The following CTBP2 variants were observed in gnomAD, a reference collection of about 807,000 sequenced individuals.
The protein encoded by CTBP2 is C-terminal binding protein 2.
Under a neutral mutation model 80.3 loss-of-function variants are expected in CTBP2, and 30 were observed. The observed-to-expected ratio is 0.37, with a 90% CI of 0.28 to 0.51. The LOEUF is 0.51. CTBP2 is among the 20% of genes least tolerant of loss of function. CTBP2 has a pLI of 0.93. For missense variants in CTBP2, 1,212 were observed against 1,375.3 expected (o/e 0.88, Z 1.88); for synonymous variants, 594 against 587.4 (o/e 1.01, Z -0.16).
intron 1 of CTBP2, among the ~76,000 whole-genome samples, chr10:125,158,938 C>A (rs1861434917): frequency 6.6e-6 from 1 of 151,928 alleles, no homozygotes; most frequent in Non-Finnish European, 1.5e-5. Context: ...CGGCGCGGCC[C>A]GCGGTGACCG....
intron 2 of CTBP2, among the ~76,000 whole-genome samples, chr10:125,079,412 G>A (rs1846840398): frequency 6.6e-6 from 1 of 152,148 alleles, no homozygotes; most frequent in South Asian, 2.1e-4. Flanking sequence ...TGCCCGGTTG[G>A]ATCTCCTTCC....
At chr10:125,049,004 C>G (rs1019474659) in intron 2 of CTBP2, among the ~76,000 whole-genome samples, 1 of 150,624 alleles carries the variant, frequency 6.6e-6, no homozygotes, top group South Asian at 2.1e-4. Context: ...CCAGAATGCA[C>G]ATTAATGTGC....
At chr10:125,001,482 C>T (rs1347515982) in intron 3 of CTBP2, 2 of 152,178 alleles carry the variant, frequency 1.3e-5, no homozygotes, top group East Asian at 1.9e-4. Context: ...TTAAACACGC[C>T]TTTGAAGACT....
At chr10:124,992,649 G>A (rs750131607) in intron 8 of CTBP2, 46 bp downstream of exon 10, 4 of 1,442,818 alleles carry the variant, frequency 2.8e-6, no homozygotes, top group Middle Eastern at 4.9e-4. Flanking sequence ...CTGGCCCCGG[G>A]GCCGTGGTGC....
intron 2 of CTBP2, among the ~76,000 whole-genome samples, chr10:125,107,560 T>C (rs1163098671): frequency 6.6e-6 from 1 of 152,220 alleles, no homozygotes; most frequent in Non-Finnish European, 1.5e-5. Flanking sequence ...AAGATATCTG[T>C]CCTGCCAGAA....
At chr10:124,998,423 C>T in intron 3 of CTBP2, 1 of 529,710 alleles carries the variant, frequency 1.9e-6, no homozygotes, top group Non-Finnish European at 3.4e-6. Context: ...CATGACCAAC[C>T]CAACTCCTAT....
In CTBP2 at chr10:125,026,512, C is replaced by T. The variant is rs1957579996; in HGVS notation, c.1248G>A (p.Glu416=). Residue 416 remains glutamate (E), a synonymous_variant, in exon 1 of 9, where the codon GAG becomes GAA. Transcript: ENST00000309035. ...CAGGGGCAGAATAGGTGGCTGCCGT[C>T]TCCAGGAGGTGCTGAGATGGTGCGC... 11 of 1,598,278 alleles carry T rather than the reference C, an allele frequency of 6.9e-6. No individual in the cohort carries two copies. The highest frequency in any genetic ancestry group is 1.7e-5 in the Admixed American group (1 of 57,566).
intron 1 of CTBP2, among the ~76,000 whole-genome samples, chr10:125,125,235 A>G (rs1201683168): frequency 6.6e-6 from 1 of 152,232 alleles, no homozygotes; most frequent in East Asian, 1.9e-4. Flanking sequence ...AAAAACCTCC[A>G]AACTCATTCT....
At chr10:125,052,074 C>A (rs1230959373) in intron 2 of CTBP2, among the ~76,000 whole-genome samples, 1 of 152,182 alleles carries the variant, frequency 6.6e-6, no homozygotes, top group African/African-American at 2.4e-5. Context: ...TTCAGCAACC[C>A]GAGCACGCCA....
chr10:125,056,347 G>C (rs1279360706), intron 2 of CTBP2, among the ~76,000 whole-genome samples: 1 of 152,232 alleles, frequency 6.6e-6, no homozygotes, highest in Admixed American at 6.5e-5. Flanking sequence ...GGTTTGCACA[G>C]TGAAGGCGTG....
intron 2 of CTBP2, 107 bp downstream of exon 4, chr10:125,003,231 C>T (rs1954776358): frequency 1.9e-6 from 3 of 1,583,984 alleles, no homozygotes; most frequent in South Asian, 2.3e-5. Context: ...AAGCAGGGAA[C>T]AGGGGTTCTG....
chr10:125,162,224 C>T (rs1057234), upstream of CTBP2, among the ~76,000 whole-genome samples: 1 of 152,028 alleles, frequency 6.6e-6, no homozygotes, highest in South Asian at 2.1e-4. Context: ...TCTGAGGTCC[C>T]GCCTTTGGAG....
chr10:125,084,911 C>A (rs544633178), intron 2 of CTBP2, among the ~76,000 whole-genome samples: 1 of 152,196 alleles, frequency 6.6e-6, no homozygotes, highest in Non-Finnish European at 1.5e-5. Flanking sequence ...CCATGAGTTC[C>A]GCCGTCGCCA....
At chr10:125,110,662 G>A (rs1427447755) in intron 2 of CTBP2, among the ~76,000 whole-genome samples, 1 of 152,008 alleles carries the variant, frequency 6.6e-6, no homozygotes, top group Non-Finnish European at 1.5e-5. Context: ...TTAATACATC[G>A]AGAAATCCTA....
chr10:124,993,430 C>T, intron 6 of CTBP2, 101 bp from the exon 9 acceptor site: 2 of 1,271,958 alleles, frequency 1.6e-6, no homozygotes, highest in Non-Finnish European at 2.2e-6. Context: ...AAAGTAGCTA[C>T]ATAGATAGCA....
rs1341102395 is a variant in CTBP2, at chr10:125,026,781, C to T, written c.979G>A (p.Ala327Thr). ...TTGGGTGCGACAGACTTGATATCCG[C>T]GTCCTCCAGGGTAGCCAGGACGGCC... Residue 327 changes from alanine (A) to threonine (T), a missense_variant, in exon 1 of 9, where the codon GCG becomes ACG. Ala to Thr is a moderately conservative substitution (Grantham distance 58). This residue lies in a region of CTBP2 where 848 missense variants were observed against 782.3 expected (regional missense o/e 1.08). Transcript: ENST00000309035. The T allele has an allele frequency of 6.2e-6, 10 of 1,613,030 alleles. No individual in the cohort carries two copies. In the Admixed American group the frequency reaches 1.2e-4, roughly 19 times the overall value.
rs116093378 is a variant in CTBP2 at position 125,107,053 on chromosome 10, G to T, written c.-102+3937C>A. Among the ~76,000 whole-genome samples the T allele has an allele frequency of 3.0e-3, 462 of 152,342 alleles. 2 individuals carry two copies. The highest frequency in any genetic ancestry group is 0.01 in the African/African-American group (432 of 41,582). The stretch of plus-strand genomic sequence containing the variant: ...AATCAATGCCTCCCATTTATCCTTG[G>T]GGGGTGGAGGGAGGCTGGGATTCCG... On this transcript the variant is annotated intron_variant, in intron 2 of 10. Transcript: ENST00000337195.
intron 2 of CTBP2, among the ~76,000 whole-genome samples, chr10:125,109,685 G>A (rs1202575147): frequency 6.6e-6 from 1 of 152,228 alleles, no homozygotes; most frequent in Non-Finnish European, 1.5e-5. Context: ...TTCACGCTCT[G>A]CTATGGCCTT....
intron 2 of CTBP2, among the ~76,000 whole-genome samples, chr10:125,092,562 C>G (rs1255621499): frequency 1.3e-5 from 2 of 152,182 alleles, no homozygotes; most frequent in Non-Finnish European, 2.9e-5. Flanking sequence ...TCCCACCCGC[C>G]ACCAGCAAGT....
Sources: gnomAD v4.1 joint callset for allele counts (sites outside exome capture counted in the v4.1 genomes callset) on GRCh38, gnomAD v4.1.1 for gene constraint, gnomAD v4.1.1 regional missense constraint, MANE v1.5 for transcripts, NCBI Gene and HGNC (gene_info 2026-07-23, HGNC 2026-07-21) for gene names.